The following IMMP2L variants were observed in gnomAD, a reference collection of about 807,000 sequenced individuals.
IMMP2L encodes mitochondrial inner membrane protease subunit 2.
A neutral mutation model predicts 19.3 loss-of-function variants in IMMP2L; 18 were observed. The ratio of observed to expected loss-of-function variants is 0.93; its 90% CI spans 0.64 to 1.38. The LOEUF is 1.38. IMMP2L is among the 40% of genes most tolerant of loss of function. The pLI is 0.00. For missense variants in IMMP2L, 233 were observed against 218.2 expected (o/e 1.07, Z -0.43); for synonymous variants, 76 against 73.0 (o/e 1.04, Z -0.21).
At chr7:110,865,365 G>C (rs1390029036) in intron 5 of IMMP2L, among the ~76,000 whole-genome samples, 1 of 151,922 alleles carries the variant, frequency 6.6e-6, no homozygotes, top group African/African-American at 2.4e-5. Flanking sequence ...CTGCCTTTCA[G>C]CTTTTCCCAT....
At chr7:111,323,405 A>G (rs550051791) in intron 3 of IMMP2L, among the ~76,000 whole-genome samples, 130 of 152,166 alleles carry the variant, frequency 8.5e-4, no homozygotes, top group African/African-American at 1.4e-3. Flanking sequence ...CATCATCACC[A>G]GCCATCAGAG....
intron 1 of IMMP2L, among the ~76,000 whole-genome samples, chr7:111,537,221 T>C (rs1312397671): frequency 1.3e-5 from 2 of 152,036 alleles, no homozygotes; most frequent in Non-Finnish European, 2.9e-5. Context: ...AAAAATAAAA[T>C]GAAGAAAGAT....
At chr7:111,332,008 A>G (rs1825927488) in intron 3 of IMMP2L, among the ~76,000 whole-genome samples, 1 of 151,896 alleles carries the variant, frequency 6.6e-6, no homozygotes, top group Non-Finnish European at 1.5e-5. Flanking sequence ...ATCATGTGCT[A>G]TATGCTATAT....
At chr7:110,714,438 T>A (rs1157846910) in intron 5 of IMMP2L, among the ~76,000 whole-genome samples, 1 of 152,226 alleles carries the variant, frequency 6.6e-6, no homozygotes, top group Non-Finnish European at 1.5e-5. Flanking sequence ...CAGGTTTTGG[T>A]ATCAGGATGA....
rs1563005587 is a variant in IMMP2L, at chr7:111,281,265, G to A, written c.239+205973C>T. Among the ~76,000 whole-genome samples the A allele has an allele frequency of 8.8e-4, 130 of 148,184 alleles. 4 individuals are homozygous for A. The highest frequency in any genetic ancestry group is 1.4e-3 in the Non-Finnish European group (93 of 66,654). On this transcript the variant is annotated intron_variant, in intron 3 of 5. Coordinates refer to ENST00000405709, the MANE Select transcript of IMMP2L (RefSeq NM_032549.4). ...GAAAGAAGAGAGAGAGAGAAAGAGA[G>A]AGAGAAAGAAAGAGAAGGAAAGAAA...
intron 3 of IMMP2L, among the ~76,000 whole-genome samples, chr7:111,085,983 G>T (rs1796289979): frequency 2.0e-5 from 3 of 152,122 alleles, no homozygotes; most frequent in Admixed American, 2.0e-4. Flanking sequence ...AAGAGTGGGA[G>T]GAGGGGGAGG....
chr7:111,392,686 T>C (rs1046777466), intron 3 of IMMP2L: 30 of 450,690 alleles, frequency 6.7e-5, no homozygotes, highest in Middle Eastern at 3.4e-4. Context: ...GTCCCTAGGT[T>C]ACACACACTT....
intron 1 of IMMP2L, among the ~76,000 whole-genome samples, chr7:111,540,388 C>G (rs2529484): frequency 0.67 from 102,335 of 152,090 alleles, 35,549 homozygotes; most frequent in African/African-American, 0.84. Context: ...AACGGCACTT[C>G]ACTGGAAGTC....
At chr7:111,155,773 T>C (rs897931366) in intron 3 of IMMP2L, among the ~76,000 whole-genome samples, 7 of 152,092 alleles carry the variant, frequency 4.6e-5, no homozygotes, top group African/African-American at 1.7e-4. Context: ...ATAGATATTG[T>C]AAAGTGTAAA....
chr7:110,671,508 T>C (rs1791919740), intron 5 of IMMP2L, among the ~76,000 whole-genome samples: 1 of 152,200 alleles, frequency 6.6e-6, no homozygotes, highest in Admixed American at 6.5e-5. Context: ...TGGGTTTGTT[T>C]TGCCCACACA....
At chr7:111,498,542 C>A (rs1234972880) in intron 2 of IMMP2L, among the ~76,000 whole-genome samples, 1 of 151,576 alleles carries the variant, frequency 6.6e-6, no homozygotes, top group Non-Finnish European at 1.5e-5. Context: ...AAAAAAAGGT[C>A]ATAGTAAGGT....
intron 2 of IMMP2L, among the ~76,000 whole-genome samples, chr7:111,499,093 G>A (rs1267323409): frequency 6.6e-6 from 1 of 152,164 alleles, no homozygotes; most frequent in Admixed American, 6.5e-5. Context: ...TAGCCAGCTT[G>A]TCTGGCTGTG....
At chr7:111,325,359 G>A (rs548425483) in intron 3 of IMMP2L, among the ~76,000 whole-genome samples, 1 of 151,604 alleles carries the variant, frequency 6.6e-6, no homozygotes, top group Non-Finnish European at 1.5e-5. Flanking sequence ...GGTATATTTT[G>A]CTTCAATCTT....
intron 3 of IMMP2L, among the ~76,000 whole-genome samples, chr7:111,265,023 G>C (rs1387265763): frequency 6.6e-6 from 1 of 152,122 alleles, no homozygotes; most frequent in African/African-American, 2.4e-5. Context: ...AAGCAAGCTT[G>C]TTTACAGATC....
At chr7:111,040,705 T>G (rs1282956992) in intron 3 of IMMP2L, among the ~76,000 whole-genome samples, 1 of 141,950 alleles carries the variant, frequency 7.0e-6, no homozygotes, top group Non-Finnish European at 1.5e-5. Flanking sequence ...TTTAAATATA[T>G]AAATCTAATA....
intron 2 of IMMP2L, among the ~76,000 whole-genome samples, chr7:111,491,031 TAACTC>T (rs564185326): frequency 6.6e-6 from 1 of 152,246 alleles, no homozygotes; most frequent in East Asian, 1.9e-4. Context: ...ACAGTAAGAC[TAACTC>T]CTCTTCTTTC....
At chr7:111,150,456 T>C (rs1341704038) in intron 3 of IMMP2L, among the ~76,000 whole-genome samples, 2 of 152,100 alleles carry the variant, frequency 1.3e-5, no homozygotes, top group Non-Finnish European at 2.9e-5. Context: ...AAACCACTCA[T>C]CTTGACAGTA....
chr7:111,041,742 C>A (rs890370230), intron 3 of IMMP2L, among the ~76,000 whole-genome samples: 5 of 152,026 alleles, frequency 3.3e-5, no homozygotes, highest in African/African-American at 1.2e-4. Context: ...GTTTTCAGCC[C>A]AGGGCTTTCC....
chr7:110,696,909 G>A (rs1485143841), intron 5 of IMMP2L, among the ~76,000 whole-genome samples: 2 of 152,134 alleles, frequency 1.3e-5, no homozygotes, highest in African/African-American at 2.4e-5. Flanking sequence ...TGTTTCAAAT[G>A]GGCAGGAAGA....
Sources: allele counts gnomAD v4.1 joint callset (sites outside exome capture counted in the v4.1 genomes callset), GRCh38; gene constraint gnomAD v4.1.1; transcripts MANE v1.5; gene names NCBI Gene and HGNC (gene_info 2026-07-23, HGNC 2026-07-21).